RERE: variants seen among roughly 807,000 people sequenced by gnomAD.
RERE encodes arginine-glutamic acid dipeptide repeats protein.
A neutral mutation model predicts 146.1 loss-of-function variants in RERE; 40 were observed. The observed-to-expected ratio is 0.27, with a 90% confidence interval of 0.21 to 0.36. RERE has a LOEUF of 0.36. RERE is among the 10% of genes least tolerant of loss of function. RERE has a pLI of 1.00. For missense variants in RERE, 1,933 were observed against 2,138.7 expected (o/e 0.90, Z 1.90); for synonymous variants, 1,003 against 866.0 (o/e 1.16, Z -2.78).
At chr1:8,682,014 G>A (rs568869650) in intron 1 of RERE, among the ~76,000 whole-genome samples, 1 of 152,210 alleles carries the variant, frequency 6.6e-6, no homozygotes, top group East Asian at 1.9e-4. Context: ...ACATAACCAT[G>A]CAAAGCCCTA....
intron 10 of RERE, among the ~76,000 whole-genome samples, chr1:8,476,784 C>T (rs1644762595): frequency 6.6e-6 from 1 of 152,202 alleles, no homozygotes; most frequent in Non-Finnish European, 1.5e-5. Context: ...GACCTGCGTC[C>T]TTCGCTTCTT....
Position 8,776,403 on chromosome 1 carries a change from C to T in RERE, c.-145+40757G>A, listed in dbSNP as rs147928663. ...ACCTCTGCTTCCCAGGTTCAAGCGA[C>T]TCTAGTGCCTCAGCCTTCCAAGTAG... On this transcript the variant is annotated intron_variant, in intron 1 of 22. Coordinates refer to ENST00000400908, the MANE Select transcript of RERE (RefSeq NM_001042681.2). Among the ~76,000 whole-genome samples, 543 of 152,150 alleles carry T rather than the reference C, an allele frequency of 3.6e-3. 2 individuals carry two copies. Among genetic ancestry groups the T allele is most frequent in the African/African-American group, 0.012 (516 of 41,520 alleles).
chr1:8,568,616 A>G (rs940150671), intron 4 of RERE, among the ~76,000 whole-genome samples: 2 of 152,196 alleles, frequency 1.3e-5, no homozygotes, highest in Admixed American at 6.5e-5. Context: ...GCCTTCTACC[A>G]CATTATGGCA....
At chr1:8,574,235 C>T (rs1302997730) in intron 4 of RERE, among the ~76,000 whole-genome samples, 1 of 151,966 alleles carries the variant, frequency 6.6e-6, no homozygotes, top group Non-Finnish European at 1.5e-5. Context: ...TTCCCAGGTA[C>T]TCCTTTTGGT....
intron 18 of RERE, 36 bp downstream of exon 18, chr1:8,360,076 T>G: frequency 7.6e-7 from 1 of 1,307,884 alleles, no homozygotes; most frequent in Non-Finnish European, 1.0e-6. Flanking sequence ...CCAGCCCACC[T>G]GTGCCTGACC....
intron 2 of RERE, among the ~76,000 whole-genome samples, chr1:8,630,304 A>AC (rs1647020029): frequency 6.6e-6 from 1 of 152,030 alleles, no homozygotes. Context: ...AAACAGCCAA[A>AC]CCCATCACCA....
chr1:8,506,691 A>G (rs1261823542), intron 8 of RERE, among the ~76,000 whole-genome samples: 2 of 152,140 alleles, frequency 1.3e-5, no homozygotes, highest in African/African-American at 4.8e-5. Context: ...ACATGACCCA[A>G]TCCATGGCAA....
At chr1:8,442,117 G>C (rs1351396600) in intron 11 of RERE, among the ~76,000 whole-genome samples, 1 of 152,142 alleles carries the variant, frequency 6.6e-6, no homozygotes, top group Admixed American at 6.5e-5. Flanking sequence ...GGGCATGGTG[G>C]CTCACACCTG....
intron 1 of RERE, among the ~76,000 whole-genome samples, chr1:8,801,162 A>C (rs1488662523): frequency 6.6e-6 from 1 of 151,904 alleles, no homozygotes; most frequent in East Asian, 1.9e-4. Flanking sequence ...GAGGGGGTTG[A>C]GATGGGAAGA....
At chr1:8,641,649 A>C (rs1171126028) in intron 2 of RERE, among the ~76,000 whole-genome samples, 3 of 152,192 alleles carry the variant, frequency 2.0e-5, no homozygotes, top group African/African-American at 7.2e-5. Flanking sequence ...AAGTACCTCC[A>C]GGTTCTGTGC....
intron 1 of RERE, among the ~76,000 whole-genome samples, chr1:8,800,321 A>T (rs572834069): frequency 1.6e-4 from 24 of 152,320 alleles, no homozygotes; most frequent in Admixed American, 3.3e-4. Flanking sequence ...TTTAAAGAGT[A>T]AATTTTATAG....
intron 6 of RERE, among the ~76,000 whole-genome samples, chr1:8,554,948 GCATTAA>G (rs1236627708): frequency 3.3e-5 from 5 of 152,300 alleles, no homozygotes; most frequent in South Asian, 2.1e-4. Context: ...AATCAACCCT[GCATTAA>G]CTTCCTTTGT....
At chr1:8,550,308 T>C (rs1645918029) in intron 6 of RERE, among the ~76,000 whole-genome samples, 1 of 152,198 alleles carries the variant, frequency 6.6e-6, no homozygotes, top group Non-Finnish European at 1.5e-5. Flanking sequence ...TAAAAAGTGT[T>C]AAATGATGAA....
chr1:8,559,099 G>A (rs1398341856), intron 4 of RERE, among the ~76,000 whole-genome samples: 5 of 150,462 alleles, frequency 3.3e-5, no homozygotes, highest in East Asian at 3.9e-4. Context: ...CACGCCGGCC[G>A]AAAATGTGCT....
At chr1:8,625,469 C>T (rs1646963913) in intron 2 of RERE, among the ~76,000 whole-genome samples, 1 of 152,104 alleles carries the variant, frequency 6.6e-6, no homozygotes, top group Non-Finnish European at 1.5e-5. Flanking sequence ...CACAATGCCT[C>T]ATTCATTCAT....
intron 6 of RERE, among the ~76,000 whole-genome samples, chr1:8,545,194 G>T (rs1412609780): frequency 6.6e-6 from 1 of 152,160 alleles, no homozygotes; most frequent in African/African-American, 2.4e-5. Flanking sequence ...TGTATACTCT[G>T]TATCTAAAGC....
rs1557553356 is a variant in RERE, at chr1:8,805,007, G to GTTTTTTTTTTTTTTTT, written c.-145+12152_-145+12153insAAAAAAAAAAAAAAAA. ...ATTTTTTTTGTTTTGTTTTGTTTTTGGTTTTTTTTTTTTTTTTTTTTGAGA... is the reference window on the plus strand; with the variant it reads ...ATTTTTTTTGTTTTGTTTTGTTTTTGTTTTTTTTTTTTTTTTGTTTTTTTTTTTTTTTTTTTTGAGA... On this transcript the variant is annotated intron_variant, in intron 1 of 22. Transcript: ENST00000400908. 1.3e-3 allele frequency among the ~76,000 whole-genome samples: 78 copies of GTTTTTTTTTTTTTTTT among 61,334 alleles called. 7 individuals carry two copies. The highest frequency in any genetic ancestry group is 1.7e-3 in the East Asian group (2 of 1,158). 40.2% of individuals were successfully genotyped at this position (61,334 alleles called of 152,430 possible). A position where few individuals can be genotyped will look rare whatever the true frequency, so the allele number is the denominator to read the frequency against.
chr1:8,650,299 A>C (rs1021868088), intron 2 of RERE, among the ~76,000 whole-genome samples: 1 of 152,192 alleles, frequency 6.6e-6, no homozygotes, highest in Admixed American at 6.5e-5. Flanking sequence ...ATGAAAGCCT[A>C]CCTTTATCCT....
chr1:8,677,454 G>GAAAAA (rs571192127), intron 1 of RERE, among the ~76,000 whole-genome samples: 3 of 101,662 alleles, frequency 3.0e-5, no homozygotes, highest in Non-Finnish European at 4.2e-5. Context: ...AGAAAGAAAA[G>GAAAAA]AAAAAAAAAA....
Sources: gnomAD v4.1 joint callset for allele counts (sites outside exome capture counted in the v4.1 genomes callset) on GRCh38, gnomAD v4.1.1 for gene constraint, MANE v1.5 for transcripts, NCBI Gene and HGNC (gene_info 2026-07-23, HGNC 2026-07-21) for gene names.